Variants in SVOP observed in about 807,000 individuals in gnomAD.
SVOP encodes synaptic vesicle 2-related protein.
SVOP carries 17 observed loss-of-function variants against 69.1 expected under a neutral mutation model. That is an observed-to-expected ratio of 0.25 (90% CI 0.17 to 0.37). The LOEUF is 0.37. Among genes scored for constraint, SVOP ranks in the 10% least tolerant of loss-of-function variants. The pLI is 1.00. For missense variants in SVOP, 435 were observed against 597.5 expected, an observed-to-expected ratio of 0.73 and a Z score of 2.84; for synonymous variants, 238 against 238.6, an observed-to-expected ratio of 1.00 and a Z score of 0.02.
At chr12:109,018,705 T>C (rs1232610098) in intron 1 of SVOP, among the ~76,000 whole-genome samples, 1 of 152,224 alleles carries the variant, frequency 6.6e-6, no homozygotes, top group Non-Finnish European at 1.5e-5. Flanking sequence ...AGGGCTAATT[T>C]TGACTTCATT....
At chr12:108,921,765 G>A (rs915735821) in intron 12 of SVOP, among the ~76,000 whole-genome samples, 8 of 152,030 alleles carry the variant, frequency 5.3e-5, no homozygotes, top group Admixed American at 3.9e-4. Flanking sequence ...TGCAAGTTGC[G>A]GGAACAGTTT....
At position 108,964,716 on chromosome 12, in the gene SVOP, C is replaced by T. The variant is rs971420251; in HGVS notation, c.454-3669G>A. ...TTTGGGACTCCGCAGACATGTCTCA[C>T]GGGCCTTTGGGCTTTTCATTAACTA... is the stretch of plus-strand genomic sequence containing the variant. On this transcript the variant is annotated intron_variant, in intron 5 of 15. Coordinates refer to ENST00000610966, the MANE Select transcript of SVOP (RefSeq NM_018711.5). Among the ~76,000 whole-genome samples the T allele has an allele frequency of 4.6e-5, 7 of 152,264 alleles. No individual in the cohort carries two copies. In the East Asian group the frequency reaches 1.2e-3, roughly 25 times the overall value.
chr12:108,989,436 A>G (rs370206094), intron 1 of SVOP, among the ~76,000 whole-genome samples: 8,164 of 151,968 alleles, frequency 0.054, 741 homozygotes, highest in Admixed American at 0.23. Context: ...AACCCACTGG[A>G]AAGCAGGAGG....
At chr12:108,948,434 C>T (rs2039936600) in intron 6 of SVOP, among the ~76,000 whole-genome samples, 1 of 152,146 alleles carries the variant, frequency 6.6e-6, no homozygotes. Context: ...AAAGTCCTAC[C>T]ACCATTTTCA....
At chr12:109,002,673 T>C (rs928238504) in intron 1 of SVOP, among the ~76,000 whole-genome samples, 3 of 151,324 alleles carry the variant, frequency 2.0e-5, no homozygotes, top group African/African-American at 7.3e-5. Context: ...ATGGATGAAA[T>C]TGGAAATCAT....
chr12:108,945,028 C>T, intron 7 of SVOP, 75 bp downstream of exon 7: 1 of 1,372,028 alleles, frequency 7.3e-7, no homozygotes, highest in Non-Finnish European at 1.0e-6. Flanking sequence ...TTTCCTTGAC[C>T]TGTGGTTCAA....
At chr12:108,956,406 C>T (rs1347777386) in intron 6 of SVOP, among the ~76,000 whole-genome samples, 2 of 152,106 alleles carry the variant, frequency 1.3e-5, no homozygotes, top group African/African-American at 2.4e-5. Flanking sequence ...TGACCTATTA[C>T]CCCTGAGGGG....
At chr12:108,974,917 G>A (rs927451639) in intron 4 of SVOP, among the ~76,000 whole-genome samples, 3 of 152,126 alleles carry the variant, frequency 2.0e-5, no homozygotes, top group Non-Finnish European at 4.4e-5. Context: ...TTTAAAAAGT[G>A]ATATGATAAT....
chr12:108,984,617 T>C (rs1484868610), intron 1 of SVOP, among the ~76,000 whole-genome samples: 2 of 152,202 alleles, frequency 1.3e-5, no homozygotes, highest in African/African-American at 4.8e-5. Flanking sequence ...ACATTTGAGT[T>C]TGAGACCCCA....
intron 8 of SVOP, 123 bp from the exon 9 acceptor site, chr12:108,939,078 G>A: frequency 7.2e-7 from 1 of 1,381,242 alleles, no homozygotes; most frequent in Non-Finnish European, 9.9e-7. Flanking sequence ...CCAGAGAGCT[G>A]ACTTCAAATC....
chr12:108,931,498 C>T, intron 11 of SVOP, among the ~76,000 whole-genome samples: 1 of 152,178 alleles, frequency 6.6e-6, no homozygotes, highest in East Asian at 1.9e-4. Context: ...TTGAGCTCCA[C>T]CTGCTCTCCC....
At chr12:109,012,111 C>T (rs2040344915) in intron 1 of SVOP, among the ~76,000 whole-genome samples, 1 of 152,130 alleles carries the variant, frequency 6.6e-6, no homozygotes, top group Non-Finnish European at 1.5e-5. Flanking sequence ...GGCAAAACCC[C>T]GTCTTTACTA....
rs572801516 is a variant in SVOP, at chr12:108,956,128, G to A, written c.578+4795C>T. ...ATCCTGGCCAACATGGTGAAACCCC[G>A]TCTCTACTAAAAATACAAAAAAAAT... On this transcript the variant is annotated intron_variant, in intron 6 of 15. Transcript: ENST00000610966. 7.9e-4 allele frequency among the ~76,000 whole-genome samples: 110 copies of A among 139,210 alleles called. 2 individuals carry two copies. The highest frequency in any genetic ancestry group is 1.3e-3 in the Admixed American group (16 of 12,662). 91.3% of individuals were successfully genotyped at this position (139,210 alleles called of 152,430 possible).
At chr12:108,961,078 G>T in intron 5 of SVOP, 31 bp from the exon 6 acceptor site, 1 of 1,526,470 alleles carries the variant, frequency 6.6e-7, no homozygotes, top group African/African-American at 1.4e-5. Flanking sequence ...GAATCACAAG[G>T]GCTTTTCAGC....
chr12:108,913,123 G>C (rs1294580944), intron 15 of SVOP, among the ~76,000 whole-genome samples: 1 of 152,042 alleles, frequency 6.6e-6, no homozygotes, highest in African/African-American at 2.4e-5. Flanking sequence ...CCAGACTGGA[G>C]TGCAATGGCG....
chr12:109,013,742 T>C (rs1022837303), intron 1 of SVOP, among the ~76,000 whole-genome samples: 2 of 152,134 alleles, frequency 1.3e-5, no homozygotes. Context: ...CACGTTCACA[T>C]TGTTGTACAA....
chr12:108,969,322 TC>T (rs1183870114), intron 5 of SVOP, among the ~76,000 whole-genome samples: 1 of 143,714 alleles, frequency 7.0e-6, no homozygotes, highest in Non-Finnish European at 1.5e-5. Context: ...CCTTTCTTCC[TC>T]CCCCCTCCCT....
intron 1 of SVOP, among the ~76,000 whole-genome samples, chr12:108,996,329 G>A (rs2040231963): frequency 6.6e-6 from 1 of 152,026 alleles, no homozygotes; most frequent in Non-Finnish European, 1.5e-5. Flanking sequence ...AGGCCAAGAT[G>A]AACATATTAC....
At chr12:108,937,432 G>T in intron 9 of SVOP, 95 bp from the exon 10 acceptor site, 2 of 1,235,564 alleles carry the variant, frequency 1.6e-6, no homozygotes, top group Non-Finnish European at 2.4e-6. Context: ...CAGGCTGGGA[G>T]GAAGGTTTCT....
Sources: gnomAD v4.1 joint callset for allele counts (sites outside exome capture counted in the v4.1 genomes callset) on GRCh38, gnomAD v4.1.1 for gene constraint, MANE v1.5 for transcripts, NCBI Gene and HGNC (gene_info 2026-07-23, HGNC 2026-07-21) for gene names.